The following STIM1 variants were observed in gnomAD, a reference collection of about 807,000 sequenced individuals.
STIM1 encodes stromal interaction molecule 1.
In STIM1, 25 loss-of-function variants were observed where a neutral mutation model predicts 74.7. The ratio of observed to expected loss-of-function variants is 0.33; its 90% CI spans 0.24 to 0.47. STIM1 has a LOEUF of 0.47. STIM1 is among the 20% of genes least tolerant of loss of function. The pLI is 1.00. For missense variants in STIM1, 728 were observed against 920.8 expected (o/e 0.79, Z 2.71); for synonymous variants, 328 against 348.8 (o/e 0.94, Z 0.66).
At chr11:4,029,322 G>A (rs1440917593) in intron 3 of STIM1, among the ~76,000 whole-genome samples, 3 of 152,052 alleles carry the variant, frequency 2.0e-5, no homozygotes, top group African/African-American at 4.8e-5. Flanking sequence ...AGTACAGCAG[G>A]TTCCTGAATA....
At chr11:4,022,238 GA>G (rs1346610014) in intron 2 of STIM1, among the ~76,000 whole-genome samples, 2 of 149,950 alleles carry the variant, frequency 1.3e-5, no homozygotes, top group African/African-American at 4.9e-5. Context: ...GGGAGGCAGA[GA>G]TGGAAGGATC....
chr11:3,879,173 C>T (rs1006571802), intron 1 of STIM1, among the ~76,000 whole-genome samples: 6 of 152,190 alleles, frequency 3.9e-5, no homozygotes, highest in Admixed American at 3.9e-4. Flanking sequence ...CCAGGCTGGT[C>T]TCGAACTCCT....
At chr11:3,947,907 C>T (rs946475044) in intron 1 of STIM1, among the ~76,000 whole-genome samples, 2 of 152,188 alleles carry the variant, frequency 1.3e-5, no homozygotes, top group South Asian at 2.1e-4. Context: ...AAAGAGACAA[C>T]GTATGTAGAA....
At chr11:3,980,839 C>G (rs1211121532) in intron 2 of STIM1, among the ~76,000 whole-genome samples, 1 of 152,082 alleles carries the variant, frequency 6.6e-6, no homozygotes, top group East Asian at 1.9e-4. Context: ...AGTAGCATTC[C>G]TAGCCTCTAC....
At chr11:4,028,076 C>A (rs2094012863) in intron 3 of STIM1, among the ~76,000 whole-genome samples, 1 of 152,104 alleles carries the variant, frequency 6.6e-6, no homozygotes, top group Non-Finnish European at 1.5e-5. Context: ...ATGCTATCTG[C>A]CAAACAAAGT....
In STIM1 at chr11:4,091,462, CA is replaced by C; in HGVS notation, c.1816del (p.Ser606AlafsTer12). 2 of 1,614,198 alleles carry C rather than the reference CA, an allele frequency of 1.2e-6. No homozygotes were observed. The highest frequency in any genetic ancestry group is 1.7e-6 in the Non-Finnish European group (2 of 1,180,032). On this transcript the variant is annotated frameshift_variant, in exon 13 of 13. Transcript: ENST00000526596. LOFTEE classifies it high-confidence loss of function. ...PGSLVEKLPD[S>X]PALAKKALLA... The stretch of plus-strand genomic sequence containing the variant: ...GGTCTCTGGTGGAGAAACTGCCTGA[CA>C]GCCCTGCCCTGGCCAAGAAGGCATT...
chr11:3,855,022 T>G (rs774502371), upstream of STIM1: 1 of 152,090 alleles, frequency 6.6e-6, no homozygotes, highest in Non-Finnish European at 1.5e-5. Flanking sequence ...GAGCGCCGAG[T>G]CCTGTCTGCA....
At chr11:3,998,486 G>A (rs1333126252) in intron 2 of STIM1, among the ~76,000 whole-genome samples, 5 of 152,074 alleles carry the variant, frequency 3.3e-5, no homozygotes, top group African/African-American at 4.8e-5. Flanking sequence ...GGACAAACTC[G>A]AGAGACACTC....
At chr11:4,019,986 C>T (rs549524954) in intron 2 of STIM1, among the ~76,000 whole-genome samples, 71 of 152,300 alleles carry the variant, frequency 4.7e-4, no homozygotes, top group African/African-American at 1.6e-3. Flanking sequence ...CACTATCCTA[C>T]GTTCTACTTC....
At chr11:4,029,316 C>T (rs2094027250) in intron 3 of STIM1, among the ~76,000 whole-genome samples, 1 of 152,078 alleles carries the variant, frequency 6.6e-6, no homozygotes, top group Non-Finnish European at 1.5e-5. Flanking sequence ...TGGAGTAGTA[C>T]AGCAGGTTCC....
At chr11:3,964,671 A>G (rs976594085) in intron 1 of STIM1, among the ~76,000 whole-genome samples, 6 of 152,030 alleles carry the variant, frequency 3.9e-5, no homozygotes, top group Admixed American at 6.6e-5. Flanking sequence ...TGCTTTACCT[A>G]GGATATGTGT....
intron 4 of STIM1, among the ~76,000 whole-genome samples, chr11:4,058,508 A>G (rs928409484): frequency 1.2e-4 from 19 of 152,246 alleles, no homozygotes; most frequent in African/African-American, 4.3e-4. Flanking sequence ...TTAAGTGCTT[A>G]CTTGTGGGAC....
At chr11:4,069,959 A>T in intron 5 of STIM1, 67 bp from the exon 6 acceptor site, 1 of 1,562,842 alleles carries the variant, frequency 6.4e-7, no homozygotes, top group Non-Finnish European at 8.8e-7. Flanking sequence ...GGAGGGATGC[A>T]GTGGAGTCTG....
chr11:3,885,271 C>T (rs927171119), intron 1 of STIM1, among the ~76,000 whole-genome samples: 6 of 151,668 alleles, frequency 4.0e-5, no homozygotes, highest in Non-Finnish European at 8.8e-5. Flanking sequence ...CTTGACCTCC[C>T]GGGCTCAACC....
At chr11:4,085,003 C>T (rs187223707) in intron 11 of STIM1, among the ~76,000 whole-genome samples, 21 of 152,130 alleles carry the variant, frequency 1.4e-4, no homozygotes, top group Admixed American at 8.5e-4. Context: ...CTCCCTTTAG[C>T]GCAGCTGTGC....
At chr11:3,919,355 G>A (rs1423533250) in intron 1 of STIM1, among the ~76,000 whole-genome samples, 16 of 152,176 alleles carry the variant, frequency 1.1e-4, no homozygotes, top group Non-Finnish European at 1.3e-4. Flanking sequence ...ACAGGCATGC[G>A]CCACCATGTC....
At chr11:4,017,273 A>G (rs1207867921) in intron 2 of STIM1, among the ~76,000 whole-genome samples, 2 of 152,050 alleles carry the variant, frequency 1.3e-5, no homozygotes, top group African/African-American at 4.8e-5. Context: ...TTTATTTTCT[A>G]AAGAGGTCCC....
chr11:3,862,635 G>A (rs145891943), intron 1 of STIM1, among the ~76,000 whole-genome samples: 3,650 of 151,926 alleles, frequency 0.024, 85 homozygotes, highest in South Asian at 0.11. Context: ...TTTAGTAGAG[G>A]CAGGGTTTCA....
chr11:4,009,166 G>A (rs879503836), intron 2 of STIM1, among the ~76,000 whole-genome samples: 12 of 151,728 alleles, frequency 7.9e-5, no homozygotes, highest in South Asian at 4.2e-4. Flanking sequence ...GTGGTGGCAG[G>A]CCCCTGTAGT....
Sources: gnomAD v4.1 joint callset for allele counts (sites outside exome capture counted in the v4.1 genomes callset) on GRCh38, gnomAD v4.1.1 for gene constraint, MANE v1.5 for transcripts, NCBI Gene and HGNC (gene_info 2026-07-23, HGNC 2026-07-21) for gene names.